MYZAP: variants seen among roughly 807,000 people sequenced by gnomAD.
MYZAP encodes GRINL1A complex locus upstream.
A neutral mutation model predicts 69.4 loss-of-function variants in MYZAP; 66 were observed. The observed-to-expected ratio is 0.95, with a 90% CI of 0.78 to 1.17. MYZAP has a LOEUF of 1.17. Among genes scored for constraint, MYZAP ranks in the 50% most tolerant of loss-of-function variants. The pLI, the probability that MYZAP is intolerant of heterozygous loss-of-function variation, is 0.00. For synonymous variants in MYZAP, 256 were observed against 205.9 expected (o/e 1.24, Z -2.09); for missense variants, 611 against 556.2 (o/e 1.10, Z -0.99).
At chr15:57,651,263 T>C (rs2037712052) in intron 10 of MYZAP, among the ~76,000 whole-genome samples, 1 of 152,212 alleles carries the variant, frequency 6.6e-6, no homozygotes, top group African/African-American at 2.4e-5. Context: ...TTACATGAAT[T>C]TGAAGCAGTT....
chr15:57,610,443 G>A (rs1216639492), intron 2 of MYZAP, among the ~76,000 whole-genome samples: 1 of 152,184 alleles, frequency 6.6e-6, no homozygotes, highest in African/African-American at 2.4e-5. Context: ...GCTTCAGGTG[G>A]GGGCCGGGCT....
At chr15:57,666,671 C>T (rs774705115) in intron 11 of MYZAP, among the ~76,000 whole-genome samples, 19 of 151,990 alleles carry the variant, frequency 1.3e-4, no homozygotes, top group Admixed American at 4.6e-4. Flanking sequence ...TTACTAGATG[C>T]GGGAAAGAGG....
chr15:57,635,448 C>A (rs1272432303), intron 8 of MYZAP, among the ~76,000 whole-genome samples: 1 of 152,156 alleles, frequency 6.6e-6, no homozygotes, highest in Non-Finnish European at 1.5e-5. Flanking sequence ...TCTTGTCTTT[C>A]CCCACTGATT....
intron 10 of MYZAP, chr15:57,646,128 T>C (rs1184973901): frequency 1.6e-6 from 2 of 1,288,968 alleles, no homozygotes; most frequent in South Asian, 2.5e-5. Context: ...TCAATTGAAC[T>C]GTCTCCAGAT....
chr15:57,625,005 C>A (rs1218724162), intron 4 of MYZAP, among the ~76,000 whole-genome samples: 1 of 152,002 alleles, frequency 6.6e-6, no homozygotes, highest in Non-Finnish European at 1.5e-5. Context: ...ACATGTTAAA[C>A]ACACACACCC....
At chr15:57,603,540 A>T (rs752243871) in intron 1 of MYZAP, among the ~76,000 whole-genome samples, 1 of 152,040 alleles carries the variant, frequency 6.6e-6, no homozygotes, top group Non-Finnish European at 1.5e-5. Context: ...TGTCTCTATG[A>T]TTTTGATTAC....
At chr15:57,678,340 C>A (rs1328448516) in intron 12 of MYZAP, among the ~76,000 whole-genome samples, 2 of 151,970 alleles carry the variant, frequency 1.3e-5, no homozygotes, top group Non-Finnish European at 2.9e-5. Context: ...CCAGCCTGGG[C>A]CTGGGCAACA....
chr15:57,600,494 C>G (rs1329632996), intron 1 of MYZAP, among the ~76,000 whole-genome samples: 1 of 152,160 alleles, frequency 6.6e-6, no homozygotes, highest in Non-Finnish European at 1.5e-5. Context: ...GGTTGCCCAG[C>G]TCATCATAGG....
At position 57,593,596 on chromosome 15, in the gene MYZAP, C is replaced by A. The variant is rs1368393431; in HGVS notation, c.75+1487C>A. Among the ~76,000 whole-genome samples the A allele has an allele frequency of 2.0e-5, 3 of 152,170 alleles. No homozygotes were observed. In the East Asian group the frequency reaches 5.8e-4, roughly 29 times the overall value. The stretch of plus-strand genomic sequence containing the variant: ...AATAACATTTCTGAAGATTTTGGGT[C>A]AAACGTTTCCTTTGGAATATTTATT... On this transcript the variant is annotated intron_variant, in intron 1 of 12. Transcript: ENST00000267853.
intron 2 of MYZAP, among the ~76,000 whole-genome samples, chr15:57,610,569 T>C (rs1462930850): frequency 1.3e-5 from 2 of 152,204 alleles, no homozygotes; most frequent in African/African-American, 2.4e-5. Flanking sequence ...CCTGTGGTGG[T>C]TGGGCCAGTC....
intron 6 of MYZAP, 134 bp downstream of exon 6, chr15:57,629,988 A>C: frequency 3.5e-6 from 2 of 570,138 alleles, no homozygotes; most frequent in South Asian, 4.2e-5. Context: ...TTTTTTTTTG[A>C]GACAGAGTCT....
chr15:57,629,563 A>C, intron 5 of MYZAP, 139 bp from the exon 6 acceptor site: 1 of 1,184,198 alleles, frequency 8.4e-7, no homozygotes, highest in Non-Finnish European at 1.1e-6. Flanking sequence ...CTCACAGCAC[A>C]GGGTCCCAGA....
intron 2 of MYZAP, among the ~76,000 whole-genome samples, chr15:57,613,371 A>T (rs556719602): frequency 2.0e-5 from 3 of 150,562 alleles, no homozygotes; most frequent in South Asian, 4.2e-4. Flanking sequence ...TTTAAATTTA[A>T]TTTAATTTAA....
chr15:57,630,397 C>T (rs2036433582), intron 6 of MYZAP, among the ~76,000 whole-genome samples: 1 of 152,226 alleles, frequency 6.6e-6, no homozygotes, highest in Non-Finnish European at 1.5e-5. Context: ...GGGATGCCCA[C>T]AGATCTGGGA....
chr15:57,639,032 C>G (rs1190757164), intron 9 of MYZAP, among the ~76,000 whole-genome samples: 9 of 152,144 alleles, frequency 5.9e-5, no homozygotes, highest in African/African-American at 2.2e-4. Flanking sequence ...TCCTGTGCTC[C>G]TCTGTTGTGG....
chr15:57,680,581 A>G (rs2140666380), intron 12 of MYZAP: 1 of 152,316 alleles, frequency 6.6e-6, no homozygotes, highest in African/African-American at 2.4e-5. Context: ...TGTTAATTAA[A>G]GCCATTGAGA....
intron 8 of MYZAP, among the ~76,000 whole-genome samples, chr15:57,637,303 A>T (rs989533104): frequency 6.6e-6 from 1 of 152,214 alleles, no homozygotes; most frequent in African/African-American, 2.4e-5. Flanking sequence ...AAGTTAGAAT[A>T]TAGGATATTG....
chr15:57,618,325 T>C lies in MYZAP; in HGVS notation c.318+137T>C, dbSNP rs559985194. On this transcript the variant is annotated intron_variant, in intron 3 of 12. Transcript: ENST00000267853. ...AGTGTTATCATTTTGGCTGGAAATG[T>C]TTCTGTGTATCTTCATGGTAATGTT... The C allele has an allele frequency of 4.4e-6, 6 of 1,352,738 alleles. No homozygotes were observed. The East Asian group carries it at 1.2e-4, about 28-fold the overall frequency. The allele number at this position is 1,352,738 out of a possible 1,614,324, so 83.8% of individuals were successfully genotyped here.
At chr15:57,659,147 CATT>C (rs2038152919) in intron 10 of MYZAP, among the ~76,000 whole-genome samples, 1 of 152,088 alleles carries the variant, frequency 6.6e-6, no homozygotes, top group Admixed American at 6.5e-5. Flanking sequence ...CAATTACACT[CATT>C]ATTATTTTTG....
Sources: allele counts gnomAD v4.1 joint callset (sites outside exome capture counted in the v4.1 genomes callset), GRCh38; gene constraint gnomAD v4.1.1; transcripts MANE v1.5; gene names NCBI Gene and HGNC (gene_info 2026-07-23, HGNC 2026-07-21).